The following ROBO2 variants were observed in gnomAD, a reference collection of about 807,000 sequenced individuals.
ROBO2 encodes the protein roundabout homolog 2.
ROBO2 carries 53 observed loss-of-function variants against 160.8 expected under a neutral mutation model. The ratio of observed to expected loss-of-function variants is 0.33; its 90% confidence interval spans 0.26 to 0.41. ROBO2 has a LOEUF of 0.41. Among genes scored for constraint, ROBO2 ranks in the 10% least tolerant of loss-of-function variants. The pLI, the probability that ROBO2 is intolerant of heterozygous loss-of-function variation, is 1.00. For missense variants in ROBO2, 1,577 were observed against 1,722.4 expected (o/e 0.92, Z 1.49); for synonymous variants, 664 against 611.7 (o/e 1.09, Z -1.26).
At chr3:75,951,973 A>G (rs555273047) in intron 2 of ROBO2, among the ~76,000 whole-genome samples, 23 of 152,018 alleles carry the variant, frequency 1.5e-4, no homozygotes, top group Non-Finnish European at 3.2e-4. Context: ...ATTAAGCTGA[A>G]GTGCAAGATA....
At chr3:77,044,664 GA>G (rs2149644257) in intron 1 of ROBO2, among the ~76,000 whole-genome samples, 1 of 152,156 alleles carries the variant, frequency 6.6e-6, no homozygotes, top group Non-Finnish European at 1.5e-5. Context: ...GGAAAAATGT[GA>G]ATAATATTTT....
intron 2 of ROBO2, among the ~76,000 whole-genome samples, chr3:76,617,488 A>G (rs567392537): frequency 1.9e-4 from 29 of 152,302 alleles, no homozygotes; most frequent in Non-Finnish European, 3.7e-4. Context: ...TGTTACTGTT[A>G]CAATGGTATT....
chr3:76,937,151 T>C (rs535040396), intron 2 of ROBO2, among the ~76,000 whole-genome samples: 1 of 152,306 alleles, frequency 6.6e-6, no homozygotes, highest in South Asian at 2.1e-4. Context: ...GTTTAATCTT[T>C]GTAACGAAGT....
At chr3:76,875,235 A>T (rs2072577146) in intron 2 of ROBO2, among the ~76,000 whole-genome samples, 1 of 152,210 alleles carries the variant, frequency 6.6e-6, no homozygotes, top group South Asian at 2.1e-4. Context: ...AACACTCACC[A>T]GAAAACCAAA....
chr3:75,997,510 T>TTTTTTTTTTTA (rs1576424365), intron 2 of ROBO2, among the ~76,000 whole-genome samples: 1 of 149,780 alleles, frequency 6.7e-6, no homozygotes, highest in African/African-American at 2.4e-5. Context: ...TTTTTTTTTT[T>TTTTTTTTTTTA]GAGACGGAGT....
At chr3:77,340,900 G>A (rs1164517303) in intron 2 of ROBO2, among the ~76,000 whole-genome samples, 1 of 152,080 alleles carries the variant, frequency 6.6e-6, no homozygotes, top group Non-Finnish European at 1.5e-5. Flanking sequence ...TTTAGCTTTA[G>A]GTTCTGTAGT....
chr3:77,360,685 CAT>C (rs1055331954), intron 2 of ROBO2, among the ~76,000 whole-genome samples: 2 of 151,080 alleles, frequency 1.3e-5, no homozygotes, highest in African/African-American at 4.9e-5. Flanking sequence ...TCAAACTAAA[CAT>C]ATTTTAAGAA....
intron 2 of ROBO2, among the ~76,000 whole-genome samples, chr3:76,505,313 G>C (rs2080736518): frequency 6.6e-6 from 1 of 151,810 alleles, no homozygotes; most frequent in Non-Finnish European, 1.5e-5. Flanking sequence ...CCTCAATTAG[G>C]AGCTCTGGCT....
chr3:77,542,901 T>C (rs2092537086), intron 6 of ROBO2, among the ~76,000 whole-genome samples: 1 of 152,188 alleles, frequency 6.6e-6, no homozygotes, highest in Non-Finnish European at 1.5e-5. Context: ...TTTGAACAGA[T>C]CTTTAGAGTT....
chr3:77,558,508 T>C (rs1303440258), intron 9 of ROBO2, among the ~76,000 whole-genome samples: 2 of 151,954 alleles, frequency 1.3e-5, no homozygotes, highest in South Asian at 4.1e-4. Context: ...GCAAAAGAAA[T>C]TGTAAGGAAA....
intron 2 of ROBO2, among the ~76,000 whole-genome samples, chr3:76,064,927 T>G (rs896132696): frequency 6.6e-6 from 1 of 152,176 alleles, no homozygotes; most frequent in Non-Finnish European, 1.5e-5. Context: ...TTTTCTTTGT[T>G]TGTTTGTACT....
chr3:77,510,532 G>T (rs778317423), intron 5 of ROBO2, among the ~76,000 whole-genome samples: 8 of 151,998 alleles, frequency 5.3e-5, no homozygotes, highest in East Asian at 3.9e-4. Context: ...ACTGGAGGAG[G>T]TTATAAGAAT....
intron 2 of ROBO2, among the ~76,000 whole-genome samples, chr3:77,375,459 G>T (rs1284573990): frequency 6.6e-6 from 1 of 152,178 alleles, no homozygotes; most frequent in Non-Finnish European, 1.5e-5. Context: ...CTTTCCAAAT[G>T]ATGGTGCCTA....
intron 2 of ROBO2, among the ~76,000 whole-genome samples, chr3:76,349,030 C>A (rs1189279483): frequency 1.3e-5 from 2 of 152,042 alleles, no homozygotes; most frequent in Admixed American, 1.3e-4. Context: ...AATCAAATTT[C>A]TAGTTCCTAG....
At chr3:76,856,355 G>A (rs896034974) in intron 2 of ROBO2, among the ~76,000 whole-genome samples, 2 of 152,054 alleles carry the variant, frequency 1.3e-5, no homozygotes, top group Admixed American at 6.6e-5. Flanking sequence ...CACATATATG[G>A]TAAAATGATT....
intron 2 of ROBO2, among the ~76,000 whole-genome samples, chr3:76,478,687 T>TG (rs1204346023): frequency 6.7e-6 from 1 of 150,332 alleles, no homozygotes; most frequent in Non-Finnish European, 1.5e-5. Flanking sequence ...TCTGTTTTTT[T>TG]TTTTTTTTTT....
chr3:76,385,373 C>T (rs1212570074), intron 2 of ROBO2, among the ~76,000 whole-genome samples: 2 of 152,166 alleles, frequency 1.3e-5, no homozygotes, highest in Non-Finnish European at 2.9e-5. Context: ...CTTCAGTTCT[C>T]TTATACATCT....
intron 2 of ROBO2, among the ~76,000 whole-genome samples, chr3:76,940,212 GA>G (rs1278689867): frequency 6.6e-6 from 1 of 152,076 alleles, no homozygotes; most frequent in Non-Finnish European, 1.5e-5. Flanking sequence ...TCGATCTCTT[GA>G]CCTCGTGATC....
chr3:77,369,565 T>G (rs1005525975), intron 2 of ROBO2, among the ~76,000 whole-genome samples: 2 of 152,142 alleles, frequency 1.3e-5, no homozygotes, highest in Non-Finnish European at 2.9e-5. Flanking sequence ...TGCGGACCCT[T>G]TTTTGGTAGC....
Sources: gnomAD v4.1 joint callset for allele counts (sites outside exome capture counted in the v4.1 genomes callset) on GRCh38, gnomAD v4.1.1 for gene constraint, MANE v1.5 for transcripts, NCBI Gene and HGNC (gene_info 2026-07-23, HGNC 2026-07-21) for gene names.